AGAP1: variants seen among roughly 807,000 people sequenced by gnomAD.
AGAP1 encodes the protein arf-GAP with GTPase, ANK repeat and PH domain-containing protein 1.
In AGAP1, 29 loss-of-function variants were observed where a neutral mutation model predicts 105.3. The observed-to-expected ratio is 0.28, with a 90% CI of 0.21 to 0.38. AGAP1 has a LOEUF of 0.38. Ranked by LOEUF, AGAP1 falls within the 10% of genes least tolerant of loss-of-function variation. The pLI is 1.00. For synonymous variants in AGAP1, 509 were observed against 485.9 expected, an observed-to-expected ratio of 1.05 and a Z score of -0.63; for missense variants, 998 against 1,165.1, an observed-to-expected ratio of 0.86 and a Z score of 2.09.
chr2:235,688,100 C>T (rs1317447556), intron 1 of AGAP1, among the ~76,000 whole-genome samples: 1 of 152,034 alleles, frequency 6.6e-6, no homozygotes, highest in Non-Finnish European at 1.5e-5. Context: ...CGGGGTTTCA[C>T]CATGCTGGCC....
rs1172227074 is a variant in AGAP1, at chr2:236,104,865, A to G, written c.2115-15327A>G. ...AGTGAGCCCAAGTTCATGCCACTGC[A>G]CTGCAGCCTGGGCTACAGAGCGAGA... On this transcript the variant is annotated intron_variant, in intron 16 of 17. Transcript: ENST00000304032. This position sits in a 1 kb window ranked among gnomAD's most constrained non-coding sequence, Gnocchi z 4.7. Among the ~76,000 whole-genome samples, 4 of 152,066 alleles carry G rather than the reference A, an allele frequency of 2.6e-5. No homozygotes were observed. Among genetic ancestry groups the G allele is most frequent in the Non-Finnish European group, 4.4e-5 (3 of 68,010 alleles).
intron 1 of AGAP1, among the ~76,000 whole-genome samples, chr2:235,499,962 G>A (rs141716914): frequency 1.3e-5 from 2 of 152,240 alleles, no homozygotes; most frequent in African/African-American, 2.4e-5. Context: ...ATGTTTATAC[G>A]CTGCAGAAGT....
intron 1 of AGAP1, among the ~76,000 whole-genome samples, chr2:235,634,027 C>G (rs1024549499): frequency 6.6e-6 from 1 of 152,124 alleles, no homozygotes; most frequent in Non-Finnish European, 1.5e-5. Context: ...AGCCCCCCGC[C>G]GCAGAGTTGC....
rs1018604077 is a variant in AGAP1, at chr2:235,662,842, G to A, written c.164-46337G>A. Among the ~76,000 whole-genome samples, 5 of 152,212 alleles carry A rather than the reference G, an allele frequency of 3.3e-5. No individual in the cohort carries two copies. Among genetic ancestry groups the A allele is most frequent in the African/African-American group, 4.8e-5 (2 of 41,458 alleles). ...CTGCTCAGTGCTCCTGGCCACTGCT[G>A]ACTGGTGCATGGCGAGCAGAGGTTT... On this transcript the variant is annotated intron_variant, in intron 1 of 17. Coordinates refer to ENST00000304032, the MANE Select transcript of AGAP1 (RefSeq NM_001037131.3). This position sits in a 1 kb window ranked among gnomAD's most constrained non-coding sequence, Gnocchi z 4.2.
intron 1 of AGAP1, among the ~76,000 whole-genome samples, chr2:235,534,083 G>T (rs1943131770): frequency 6.6e-6 from 1 of 152,214 alleles, no homozygotes; most frequent in African/African-American, 2.4e-5. Flanking sequence ...CAGCAGTCCT[G>T]TGGGCCGCAG....
chr2:235,515,054 T>C (rs756732017), intron 1 of AGAP1, among the ~76,000 whole-genome samples: 4 of 152,240 alleles, frequency 2.6e-5, no homozygotes. Flanking sequence ...AAAAAAGTCC[T>C]TAAATTTAGG....
In AGAP1 at chr2:235,627,192, G is replaced by GTTTTTTTTT. The variant is rs36086999; in HGVS notation, c.164-81971_164-81963dup. On this transcript the variant is annotated intron_variant, in intron 1 of 17. Coordinates refer to ENST00000304032, the MANE Select transcript of AGAP1 (RefSeq NM_001037131.3). ...TGTGCTGGCCCCAGGCTGTTTTGAGGTTTTTTTTTTTTTTTTTTTTTTTTG... is the reference window on the plus strand; with the variant it reads ...TGTGCTGGCCCCAGGCTGTTTTGAGGTTTTTTTTTTTTTTTTTTTTTTTTTTTTTTTTTG... 1.2e-3 allele frequency among the ~76,000 whole-genome samples: 115 copies of GTTTTTTTTT among 95,590 alleles called. 2 individuals are homozygous for GTTTTTTTTT. The highest frequency in any genetic ancestry group is 4.9e-3 in the African/African-American group (109 of 22,242). The allele number at this position is 95,590 out of a possible 152,430, so 62.7% of individuals were successfully genotyped here. A position where few individuals can be genotyped will look rare whatever the true frequency, so the allele number is the denominator to read the frequency against.
In AGAP1 at chr2:235,728,407, A is replaced by G. The variant is rs549391768; in HGVS notation, c.310+10763A>G. On this transcript the variant is annotated intron_variant, in intron 3 of 17. Coordinates refer to ENST00000304032, the MANE Select transcript of AGAP1 (RefSeq NM_001037131.3). The surrounding 1 kb of genome is among the most constrained non-coding windows in gnomAD (Gnocchi z 4.3). ...AAGATGACAGTTTCATATGATTCCA[A>G]TGGCTTAAACTAACAAATTCATGAA... Among the ~76,000 whole-genome samples, 26 of 152,214 alleles carry G rather than the reference A, an allele frequency of 1.7e-4. No individual in the cohort carries two copies. The highest frequency in any genetic ancestry group is 4.8e-4 in the African/African-American group (20 of 41,504).
chr2:236,088,364 T>C (rs115960917), intron 16 of AGAP1, among the ~76,000 whole-genome samples: 1,547 of 152,352 alleles, frequency 0.01, 18 homozygotes, highest in African/African-American at 0.036. Context: ...AAAGACCCAT[T>C]AAGCATCTGG....
At chr2:236,081,901 A>G (rs1431722916) in intron 16 of AGAP1, among the ~76,000 whole-genome samples, 3 of 152,192 alleles carry the variant, frequency 2.0e-5, no homozygotes, top group Non-Finnish European at 4.4e-5. Context: ...AAATTATTTT[A>G]GAATTGGGTT....
intron 11 of AGAP1, among the ~76,000 whole-genome samples, chr2:235,918,203 T>C (rs150631702): frequency 6.6e-6 from 1 of 152,314 alleles, no homozygotes; most frequent in East Asian, 1.9e-4. Context: ...GGTTACAACA[T>C]ATAAATTGGA....
Position 235,953,968 on chromosome 2 carries a change from GC to G in AGAP1, c.1484-14492del, listed in dbSNP as rs1252265187. ...AATCAGGCCAGGCACAGTGGCTTAT[GC>G]CTGTAATGCCAACATTTTGGGAGGC... On this transcript the variant is annotated intron_variant, in intron 12 of 17. Transcript: ENST00000304032. This position sits in a 1 kb window ranked among gnomAD's most constrained non-coding sequence, Gnocchi z 5.2. Among the ~76,000 whole-genome samples, 18 of 152,244 alleles carry G rather than the reference GC, an allele frequency of 1.2e-4. No individual in the cohort carries two copies. The highest frequency in any genetic ancestry group is 4.3e-4 in the African/African-American group (18 of 41,550).
At chr2:235,564,707 T>A (rs1944286021) in intron 1 of AGAP1, among the ~76,000 whole-genome samples, 1 of 138,842 alleles carries the variant, frequency 7.2e-6, no homozygotes, top group African/African-American at 2.8e-5. Context: ...GGTGTGAGCC[T>A]GGACCACCAC....
chr2:235,996,263 T>C (rs1347582139), intron 13 of AGAP1, among the ~76,000 whole-genome samples: 1 of 152,242 alleles, frequency 6.6e-6, no homozygotes, highest in Admixed American at 6.5e-5. Context: ...GCTTGACACC[T>C]GCACCCAGGT....
At chr2:235,822,882 C>T (rs1958874570) in intron 9 of AGAP1, among the ~76,000 whole-genome samples, 1 of 152,168 alleles carries the variant, frequency 6.6e-6, no homozygotes. Context: ...ATACCCAGCA[C>T]ATCCGAGGGA....
At chr2:235,636,067 C>T (rs571165346) in intron 1 of AGAP1, among the ~76,000 whole-genome samples, 1 of 151,914 alleles carries the variant, frequency 6.6e-6, no homozygotes, top group Non-Finnish European at 1.5e-5. Flanking sequence ...GAGCCGAGAT[C>T]GTGCCAGTGA....
intron 12 of AGAP1, among the ~76,000 whole-genome samples, chr2:235,944,657 GCTGA>G (rs1442053788): frequency 6.6e-6 from 1 of 152,168 alleles, no homozygotes; most frequent in Non-Finnish European, 1.5e-5. Flanking sequence ...AAGTCATCTG[GCTGA>G]CTGTGTGTCC....
At chr2:235,862,866 G>A (rs1218559445) in intron 9 of AGAP1, among the ~76,000 whole-genome samples, 1 of 152,154 alleles carries the variant, frequency 6.6e-6, no homozygotes, top group Admixed American at 6.5e-5. Context: ...TGCGTGCATT[G>A]AGACTGTTTG....
In AGAP1 at chr2:236,000,348, A is replaced by C. The variant is rs1302340590; in HGVS notation, c.1645+31725A>C. On this transcript the variant is annotated intron_variant, in intron 13 of 17. Transcript: ENST00000304032. The surrounding 1 kb of genome is among the most constrained non-coding windows in gnomAD (Gnocchi z 4.3). ...AGTTATTTGAGGACCTGCTGTACAC[A>C]GTTTTGCTTAAAGTCACACATTTCC... 6.6e-6 allele frequency among the ~76,000 whole-genome samples: 1 copy of C among 152,212 alleles called. No individual in the cohort carries two copies. The highest frequency in any genetic ancestry group is 1.5e-5 in the Non-Finnish European group (1 of 68,034).
Sources: gnomAD v4.1 joint callset for allele counts (sites outside exome capture counted in the v4.1 genomes callset) on GRCh38, gnomAD v4.1.1 for gene constraint, Gnocchi (gnomAD v3.1) non-coding constraint, MANE v1.5 for transcripts, NCBI Gene and HGNC (gene_info 2026-07-23, HGNC 2026-07-21) for gene names.